Variants in CHIT1 observed in about 807,000 individuals in gnomAD.
The protein encoded by CHIT1 is chitinase 1, also known as chitotriosidase-1.
CHIT1 carries 47 observed loss-of-function variants against 52.0 expected under a neutral mutation model. That is an observed-to-expected ratio of 0.90 (90% confidence interval 0.71 to 1.15). CHIT1 has a LOEUF of 1.15. CHIT1 is among the 50% of genes most tolerant of loss of function. The probability of loss-of-function intolerance (pLI) is 0.00; values close to 1 mark genes in which losing one functional copy is unlikely to be tolerated. For synonymous variants in CHIT1, 242 were observed against 228.2 expected (o/e 1.06, Z -0.54); for missense variants, 569 against 583.0 (o/e 0.98, Z 0.25).
At chr1:203,223,468 G>A (rs781657227) in intron 5 of CHIT1, 27 bp downstream of exon 5, 2 of 1,613,290 alleles carry the variant, frequency 1.2e-6, no homozygotes, top group East Asian at 4.5e-5. Flanking sequence ...TGCACAGACT[G>A]GTGATCCCCG....
At position 203,216,139 on chromosome 1, in the gene CHIT1, G is replaced by A. The variant is rs958634508; in HGVS notation, c.*750C>T. ...TGTGCATGCTCTCTGGCCCATTTCA[G>A]GCCTTGGTTCTGGACTCAGAATTGG... On this transcript the variant is annotated 3_prime_UTR_variant, in exon 11 of 11. Coordinates refer to ENST00000367229, the MANE Select transcript of CHIT1 (RefSeq NM_003465.3). The A allele has an allele frequency of 4.4e-6, 2 of 454,130 alleles. No individual in the cohort carries two copies. The highest frequency in any genetic ancestry group is 8.8e-6 in the Non-Finnish European group (2 of 226,796). 28.1% of individuals were successfully genotyped at this position (454,130 alleles called of 1,614,324 possible). A position where few individuals can be genotyped will look rare whatever the true frequency, so the allele number is the denominator to read the frequency against.
At chr1:203,225,176 T>A in intron 3 of CHIT1, 72 bp from the exon 4 acceptor site, 1 of 1,442,056 alleles carries the variant, frequency 6.9e-7, no homozygotes. Flanking sequence ...GATGTTACAG[T>A]GGGGAGGAAC....
intron 3 of CHIT1, 54 bp downstream of exon 3, chr1:203,225,615 G>T (rs1656898004): frequency 1.3e-6 from 2 of 1,567,998 alleles, no homozygotes; most frequent in Non-Finnish European, 1.8e-6. Context: ...CTGGGAGGAG[G>T]TTATCTGTCA....
intron 1 of CHIT1, among the ~76,000 whole-genome samples, chr1:203,228,814 T>C (rs970455363): frequency 2.0e-5 from 3 of 152,166 alleles, no homozygotes; most frequent in African/African-American, 2.4e-5. Flanking sequence ...CTGCCCCCTC[T>C]CTATACCTCA....
At chr1:203,223,301 A>G in intron 5 of CHIT1, 42 bp from the exon 6 acceptor site, 1 of 1,610,648 alleles carries the variant, frequency 6.2e-7, no homozygotes, top group South Asian at 1.1e-5. Context: ...GGCGCGCACC[A>G]GGCAGGCAGC....
At chr1:203,219,636 T>A in intron 8 of CHIT1, 28 bp downstream of exon 8, 1 of 1,612,788 alleles carries the variant, frequency 6.2e-7, no homozygotes, top group African/African-American at 1.3e-5. Flanking sequence ...ACCCTCACAA[T>A]ACCCAGGGTG....
At chr1:203,222,152 A>G (rs757750960) in intron 7 of CHIT1, 50 bp downstream of exon 7, 4 of 1,611,960 alleles carry the variant, frequency 2.5e-6, no homozygotes, top group Non-Finnish European at 1.7e-6. Context: ...GCCACCAAAC[A>G]GGGCCTGCTG....
intron 1 of CHIT1, 69 bp from the exon 2 acceptor site, chr1:203,228,631 C>T (rs1657018310): frequency 1.6e-5 from 25 of 1,525,580 alleles, no homozygotes; most frequent in East Asian, 4.9e-5. Context: ...CCACAGCTTA[C>T]GGAAGCACAG....
At chr1:203,229,766 G>GGGC, upstream of CHIT1, 4 of 1,014,050 alleles carry the variant, frequency 3.9e-6, no homozygotes, top group Non-Finnish European at 4.6e-6. Context: ...GGGGGGATGG[G>GGGC]AGCAGGGTGG....
At position 203,228,514 on chromosome 1, in the gene CHIT1, CAAGA is replaced by C; in HGVS notation, c.55+15_55+18del. 1 of 1,583,796 alleles carries C rather than the reference CAAGA, an allele frequency of 6.3e-7. No individual in the cohort carries two copies. The highest frequency in any genetic ancestry group is 1.1e-5 in the South Asian group (1 of 87,166). ...AGCCCAGGGAAGGGGCTGAGGCAGC[CAAGA>C]AAGAGGCTACTTACCCCATGGGATC... On this transcript the variant is annotated intron_variant, in intron 2 of 10. Coordinates refer to ENST00000367229, the MANE Select transcript of CHIT1 (RefSeq NM_003465.3).
chr1:203,223,501 C>T lies in CHIT1; in HGVS notation c.474G>A (p.Leu158=), dbSNP rs1262827875. The T allele has an allele frequency of 6.2e-7, 1 of 1,614,070 alleles. No individual in the cohort carries two copies. The highest frequency in any genetic ancestry group is 1.7e-5 in the Admixed American group (1 of 60,012). ...CCGCCCCGCCCAGCCATACCTGTAC[C>T]AGGGTTGTGAAGCGCTCCTTGTCTA... ...PAVDKERFTT[L]VQDLANAFQQ... Residue 158 remains leucine, a synonymous_variant, in exon 5 of 11, where the codon CTG becomes CTA. Transcript: ENST00000367229.
rs1386313852 is a variant in CHIT1, at chr1:203,225,031, G to A, written c.314+17C>T. 1.2e-6 allele frequency: 2 copies of A among 1,611,970 alleles called. No individual in the cohort carries two copies. Among genetic ancestry groups the A allele is most frequent in the East Asian group, 2.2e-5 (1 of 44,834 alleles). ...CATCCAGGAGCTTTACCACACAGGT[G>A]ACCACAGTCAACTAACTTCTGAGTG... On this transcript the variant is annotated intron_variant, in intron 4 of 10. Coordinates refer to ENST00000367229, the MANE Select transcript of CHIT1 (RefSeq NM_003465.3).
intron 1 of CHIT1, among the ~76,000 whole-genome samples, chr1:203,229,330 G>T (rs1657048412): frequency 6.6e-6 from 1 of 152,170 alleles, no homozygotes; most frequent in African/African-American, 2.4e-5. Flanking sequence ...TTGACTCTGG[G>T]CTTTCAGGAC....
chr1:203,222,408 G>A lies in CHIT1; in HGVS notation c.606-83C>T. ...TCTTTCTCACTCCTACCCCCTCAGT[G>A]CATGGCCTAGGGAGGAACCACTGGG... On this transcript the variant is annotated intron_variant, in intron 6 of 10. Transcript: ENST00000367229. The A allele has an allele frequency of 1.9e-6, 3 of 1,597,116 alleles. No individual in the cohort carries two copies. The South Asian group carries it at 3.4e-5, about 18-fold the overall frequency.
At chr1:203,227,808 G>A (rs1397395845) in intron 2 of CHIT1, among the ~76,000 whole-genome samples, 1 of 152,178 alleles carries the variant, frequency 6.6e-6, no homozygotes, top group Non-Finnish European at 1.5e-5. Flanking sequence ...CATGTTTGCT[G>A]TTTCTGTGCC....
At chr1:203,224,972 A>G in intron 4 of CHIT1, 76 bp downstream of exon 4, 2 of 1,357,014 alleles carry the variant, frequency 1.5e-6, no homozygotes, top group South Asian at 2.3e-5. Context: ...TGATTCCCTG[A>G]CCAGGGCTCC....
At chr1:203,223,284 A>T (rs1656806229) in intron 5 of CHIT1, 25 bp from the exon 6 acceptor site, 2 of 1,613,846 alleles carry the variant, frequency 1.2e-6, no homozygotes, top group Non-Finnish European at 8.5e-7. Flanking sequence ...CTCAGAGTCA[A>T]CACAGGGGCG....
upstream of CHIT1, chr1:203,229,920 T>C: frequency 2.0e-6 from 1 of 492,490 alleles, no homozygotes; most frequent in Non-Finnish European, 3.8e-6. Flanking sequence ...AACCTCCTGA[T>C]GGATGAGCAT....
chr1:203,218,348 C>T (rs1656614225), intron 9 of CHIT1, among the ~76,000 whole-genome samples: 1 of 152,178 alleles, frequency 6.6e-6, no homozygotes, highest in African/African-American at 2.4e-5. Context: ...CCACCAGATT[C>T]CTGAGGCTTC....
Sources: allele counts gnomAD v4.1 joint callset (sites outside exome capture counted in the v4.1 genomes callset), GRCh38; gene constraint gnomAD v4.1.1; transcripts MANE v1.5; gene names NCBI Gene and HGNC (gene_info 2026-07-23, HGNC 2026-07-21).